Variants in KLHDC1 observed in about 807,000 individuals in gnomAD.
KLHDC1 encodes the protein kelch domain containing 1, also known as kelch domain-containing protein 1.
A neutral mutation model predicts 68.3 loss-of-function variants in KLHDC1; 53 were observed. The ratio of observed to expected loss-of-function variants is 0.78; its 90% CI spans 0.62 to 0.98. The LOEUF is 0.98. Among genes scored for constraint, KLHDC1 ranks in the 50% least tolerant of loss-of-function variants. KLHDC1 has a pLI of 0.00. For missense variants in KLHDC1, 470 were observed against 492.3 expected (o/e 0.95, Z 0.43); for synonymous variants, 148 against 159.0 (o/e 0.93, Z 0.52).
At chr14:49,740,352 T>C (rs1889031051) in intron 11 of KLHDC1, among the ~76,000 whole-genome samples, 170 bp downstream of exon 11, 1 of 152,206 alleles carries the variant, frequency 6.6e-6, no homozygotes, top group Non-Finnish European at 1.5e-5. Flanking sequence ...GTTTGTTTGT[T>C]TTTGAGATGG....
chr14:49,731,481 T>A lies in KLHDC1; in HGVS notation c.711-1223T>A, dbSNP rs973735815. ...TTTATTTTATTTTATTTATTTATTT[T>A]TTTTGGAGACGGAGTTTCGCTCTTG... is the stretch of plus-strand genomic sequence containing the variant. On this transcript the variant is annotated intron_variant, in intron 8 of 12. Coordinates refer to ENST00000359332, the MANE Select transcript of KLHDC1 (RefSeq NM_172193.3). 3.9e-5 allele frequency among the ~76,000 whole-genome samples: 6 copies of A among 152,182 alleles called. No individual in the cohort carries two copies. In the East Asian group the frequency reaches 9.6e-4, roughly 24 times the overall value.
chr14:49,735,922 G>A (rs1888920997), intron 10 of KLHDC1, among the ~76,000 whole-genome samples: 2 of 152,076 alleles, frequency 1.3e-5, no homozygotes, highest in South Asian at 4.1e-4. Flanking sequence ...GGCTGAGGTG[G>A]GAGGATCACT....
At chr14:49,704,989 A>G (rs1412738139) in intron 1 of KLHDC1, among the ~76,000 whole-genome samples, 1 of 152,160 alleles carries the variant, frequency 6.6e-6, no homozygotes, top group East Asian at 1.9e-4. Flanking sequence ...GTGTGATACA[A>G]AGAACTTCAA....
At chr14:49,696,253 C>T (rs1013718388) in intron 1 of KLHDC1, among the ~76,000 whole-genome samples, 4 of 150,074 alleles carry the variant, frequency 2.7e-5, no homozygotes, top group African/African-American at 9.8e-5. Context: ...CTCACTGCAA[C>T]CTCCGCCTTC....
At position 49,710,526 on chromosome 14, in the gene KLHDC1, T is replaced by G. The variant is rs538764135; in HGVS notation, c.404+145T>G. ...TAATCAATATCTGACAATGCCCGTT[T>G]TATTTCTTCCTTTCTAATCTTTAAA... is the stretch of plus-strand genomic sequence containing the variant. On this transcript the variant is annotated intron_variant, in intron 4 of 12. Transcript: ENST00000359332. 136 of 554,010 alleles carry G rather than the reference T, an allele frequency of 2.5e-4. No individual in the cohort carries two copies. The South Asian group carries it at 2.6e-3, about 10-fold the overall frequency. The allele number at this position is 554,010 out of a possible 1,614,324, so 34.3% of individuals were successfully genotyped here. A position where few individuals can be genotyped will look rare whatever the true frequency, so the allele number is the denominator to read the frequency against.
chr14:49,712,624 C>T (rs1418188329), intron 4 of KLHDC1, among the ~76,000 whole-genome samples: 1 of 151,976 alleles, frequency 6.6e-6, no homozygotes, highest in Admixed American at 6.6e-5. Context: ...GCCTCAGCCT[C>T]CCGAGTAGCT....
chr14:49,745,487 A>G (rs1480882526), intron 12 of KLHDC1, among the ~76,000 whole-genome samples: 1 of 152,220 alleles, frequency 6.6e-6, no homozygotes, highest in Non-Finnish European at 1.5e-5. Flanking sequence ...TGCTAATAAT[A>G]TAGAAGGTAG....
intron 10 of KLHDC1, among the ~76,000 whole-genome samples, chr14:49,735,861 T>C (rs1888919867): frequency 6.6e-6 from 1 of 151,910 alleles, no homozygotes. Flanking sequence ...TTTGGTTTTT[T>C]TTTAATGGCC....
chr14:49,734,721 A>T (rs890499890), intron 10 of KLHDC1, 60 bp downstream of exon 10: 2 of 891,982 alleles, frequency 2.2e-6, no homozygotes, highest in African/African-American at 3.4e-5. Context: ...ATTAAAATAT[A>T]GTACTGAATT....
At chr14:49,740,871 AAT>A (rs1889048934) in intron 11 of KLHDC1, among the ~76,000 whole-genome samples, 1 of 152,004 alleles carries the variant, frequency 6.6e-6, no homozygotes, top group Admixed American at 6.6e-5. Flanking sequence ...AAGGCAGGCA[AAT>A]CACTTGAGGC....
At chr14:49,745,306 A>G (rs759600335) in intron 12 of KLHDC1, among the ~76,000 whole-genome samples, 6 of 152,202 alleles carry the variant, frequency 3.9e-5, no homozygotes, top group African/African-American at 7.2e-5. Context: ...AGGGGCTTCA[A>G]AAAAATTAAT....
rs541732674 is a variant in KLHDC1 at position 49,708,992 on chromosome 14, T to TC, written c.97-166dup. 2.9e-3 allele frequency among the ~76,000 whole-genome samples: 448 copies of TC among 152,218 alleles called. 3 individuals are homozygous for TC. The highest frequency in any genetic ancestry group is 0.01 in the African/African-American group (434 of 41,570). On this transcript the variant is annotated intron_variant, in intron 1 of 12. Transcript: ENST00000359332. ...TGTTTTCCCACTTTCTCTTAGAAAATCTTCTTTCCTTTTCTTTTGATATAT... is the reference window on the plus strand; with the variant it reads ...TGTTTTCCCACTTTCTCTTAGAAAATCCTTCTTTCCTTTTCTTTTGATATAT...
At chr14:49,713,824 A>T (rs1242454590) in intron 4 of KLHDC1, among the ~76,000 whole-genome samples, 1 of 1,822 alleles carries the variant, frequency 5.5e-4, no homozygotes, top group African/African-American at 8.7e-4. Context: ...ATATATATAT[A>T]TATATATATA....
At chr14:49,701,249 G>A (rs115965270) in intron 1 of KLHDC1, among the ~76,000 whole-genome samples, 90 of 152,280 alleles carry the variant, frequency 5.9e-4, no homozygotes, top group African/African-American at 2.0e-3. Context: ...GGTGCCTTAG[G>A]ATTGAAGGCT....
chr14:49,726,424 A>G (rs1478688406), intron 6 of KLHDC1, among the ~76,000 whole-genome samples: 1 of 152,176 alleles, frequency 6.6e-6, no homozygotes, highest in Non-Finnish European at 1.5e-5. Context: ...AATAAAACAA[A>G]AAAATGCATA....
rs571829065 is a variant in KLHDC1, at chr14:49,714,949, T to C, written c.404+4568T>C. On this transcript the variant is annotated intron_variant, in intron 4 of 12. Coordinates refer to ENST00000359332, the MANE Select transcript of KLHDC1 (RefSeq NM_172193.3). ...ATATATGGAAATTACATATATACTT[T>C]ATTTTCATATATATGGAAATTATAT... Among the ~76,000 whole-genome samples, 54 of 147,422 alleles carry C rather than the reference T, an allele frequency of 3.7e-4. No homozygotes were observed. In the South Asian group the frequency reaches 0.011, roughly 31 times the overall value.
chr14:49,730,607 A>G (rs1244983332), intron 8 of KLHDC1, among the ~76,000 whole-genome samples: 1 of 152,216 alleles, frequency 6.6e-6, no homozygotes, highest in Non-Finnish European at 1.5e-5. Context: ...AAATAATCCA[A>G]TAGAAAAGTG....
chr14:49,727,311 C>T (rs1311208948), intron 6 of KLHDC1, among the ~76,000 whole-genome samples: 1 of 151,974 alleles, frequency 6.6e-6, no homozygotes, highest in Non-Finnish European at 1.5e-5. Flanking sequence ...ATGTTCCTAC[C>T]CTTTACAGCA....
intron 10 of KLHDC1, among the ~76,000 whole-genome samples, chr14:49,735,192 A>T (rs1888902702): frequency 6.6e-6 from 1 of 152,030 alleles, no homozygotes; most frequent in Non-Finnish European, 1.5e-5. Flanking sequence ...AGAATTAAAA[A>T]TTTTAGAAAT....
Sources: gnomAD v4.1 joint callset for allele counts (sites outside exome capture counted in the v4.1 genomes callset) on GRCh38, gnomAD v4.1.1 for gene constraint, MANE v1.5 for transcripts, NCBI Gene and HGNC (gene_info 2026-07-23, HGNC 2026-07-21) for gene names.